RCC1: variants seen among roughly 807,000 people sequenced by gnomAD.
RCC1 encodes regulator of chromosome condensation.
A neutral mutation model predicts 44.4 loss-of-function variants in RCC1; 11 were observed. That is an observed-to-expected ratio of 0.25 (90% CI 0.16 to 0.41). The LOEUF (loss-of-function observed/expected upper bound fraction) is 0.41. Ranked by LOEUF, RCC1 falls within the 10% of genes least tolerant of loss-of-function variation. The probability of loss-of-function intolerance (pLI) is 1.00; values close to 1 mark genes in which losing one functional copy is unlikely to be tolerated. For missense variants in RCC1, 386 were observed against 547.1 expected, an observed-to-expected ratio of 0.71 and a Z score of 2.94; for synonymous variants, 213 against 216.5, an observed-to-expected ratio of 0.98 and a Z score of 0.14.
At chr1:28,522,960 A>C (rs1663381831) in intron 4 of RCC1, among the ~76,000 whole-genome samples, 1 of 150,856 alleles carries the variant, frequency 6.6e-6, no homozygotes, top group Non-Finnish European at 1.5e-5. Flanking sequence ...AAGGAGGAGG[A>C]GACACAGTTC....
intron 3 of RCC1, chr1:28,509,303 CA>C (rs553344338): frequency 4.3e-4 from 79 of 184,668 alleles, no homozygotes; most frequent in Non-Finnish European, 7.9e-4. Context: ...TTTTGCTTTT[CA>C]TGATCTTGCT....
chr1:28,516,734 T>C lies in RCC1; in HGVS notation c.-143T>C. On this transcript the variant is annotated 5_prime_UTR_variant, in exon 4 of 13. An upstream start codon of the reference 5' UTR is lost. Transcript: ENST00000683442. The stretch of plus-strand genomic sequence containing the variant: ...TTATTATTACATGAAGCTACATGAA[T>C]GTGTAAGATCTTGGAGGAAGACAGC... 1 of 414,366 alleles carries C rather than the reference T, an allele frequency of 2.4e-6. No homozygotes were observed. The highest frequency in any genetic ancestry group is 3.5e-4 in the Middle Eastern group (1 of 2,848). 25.7% of individuals were successfully genotyped at this position (414,366 alleles called of 1,614,324 possible).
intron 3 of RCC1, 96 bp downstream of exon 3, chr1:28,509,001 T>C (rs952240835): frequency 4.7e-6 from 2 of 425,902 alleles, no homozygotes; most frequent in Non-Finnish European, 9.3e-6. Flanking sequence ...CTTTTGAGAG[T>C]CTTGCTCTGT....
Position 28,535,158 on chromosome 1 carries a change from G to A in RCC1, c.538+12G>A. The A allele has an allele frequency of 3.1e-6, 5 of 1,614,126 alleles. No individual in the cohort carries two copies. Among genetic ancestry groups the A allele is most frequent in the Non-Finnish European group, 4.2e-6 (5 of 1,179,958 alleles). On this transcript the variant is annotated intron_variant, in intron 8 of 12. Transcript: ENST00000683442. ...AAAGGTGGCCTCAGGTGGGTCTGGG[G>A]GCACTTGCTCAGGGCAGGAGTTGGA...
intron 4 of RCC1, among the ~76,000 whole-genome samples, chr1:28,528,224 G>A (rs571714926): frequency 1.3e-5 from 2 of 152,280 alleles, no homozygotes; most frequent in Admixed American, 1.3e-4. Flanking sequence ...GGGAGGCCAA[G>A]GCGGGGTGGA....
intron 4 of RCC1, among the ~76,000 whole-genome samples, chr1:28,525,799 G>T (rs1003523580): frequency 3.9e-5 from 6 of 152,076 alleles, no homozygotes; most frequent in Non-Finnish European, 8.8e-5. Context: ...AAAGTGCCTG[G>T]CCTTGTGTCC....
intron 4 of RCC1, among the ~76,000 whole-genome samples, chr1:28,528,344 T>A (rs61785984): frequency 0.15 from 22,049 of 152,036 alleles, 1,944 homozygotes; most frequent in Non-Finnish European, 0.2. Context: ...TAATCCCAGC[T>A]ACTCGAGAGG....
chr1:28,531,265 C>CT lies in RCC1; in HGVS notation c.74-521dup, dbSNP rs1178899130. ...CAATAATTAGCTTTCTTTTCTTTTT[C>CT]TTTTTTTTTTTTTTTTTGAGATCAA... On this transcript the variant is annotated intron_variant, in intron 5 of 12. Coordinates refer to ENST00000683442, the MANE Select transcript of RCC1 (RefSeq NM_001381865.2). Among the ~76,000 whole-genome samples the CT allele has an allele frequency of 3.3e-3, 439 of 132,108 alleles. 1 individual carries two copies. Among genetic ancestry groups the CT allele is most frequent in the East Asian group, 5.8e-3 (27 of 4,658 alleles). The allele number at this position is 132,108 out of a possible 152,430, so 86.7% of individuals were successfully genotyped here.
At chr1:28,517,787 G>C (rs1189012782) in intron 4 of RCC1, among the ~76,000 whole-genome samples, 1 of 151,946 alleles carries the variant, frequency 6.6e-6, no homozygotes, top group African/African-American at 2.4e-5. Flanking sequence ...TGCAAACGTC[G>C]CTTCTCCTAG....
intron 3 of RCC1, chr1:28,510,991 T>C (rs574777301): frequency 7.9e-5 from 12 of 152,332 alleles, no homozygotes; most frequent in African/African-American, 2.9e-4. Flanking sequence ...ACTTGCAAGG[T>C]AGAGGTGAAG....
intron 2 of RCC1, 198 bp downstream of exon 2, chr1:28,508,358 T>G: frequency 2.8e-6 from 1 of 355,952 alleles, no homozygotes; most frequent in South Asian, 2.1e-5. Flanking sequence ...ACATATGCTC[T>G]GTTCTGTAAA....
chr1:28,506,520 T>A (rs762954319), intron 1 of RCC1: 8 of 253,878 alleles, frequency 3.2e-5, no homozygotes, highest in Non-Finnish European at 5.5e-5. Context: ...TATGGGTGTC[T>A]TAGGCGGCAT....
chr1:28,530,375 G>A, intron 5 of RCC1: 5 of 669,636 alleles, frequency 7.5e-6, no homozygotes, highest in East Asian at 5.5e-5. Flanking sequence ...AGGATGAGAT[G>A]AGATAATGGC....
rs1664574855 is a variant in RCC1 at position 28,536,682 on chromosome 1, C to T, written c.938-65C>T. 3.8e-6 allele frequency: 6 copies of T among 1,574,080 alleles called. No homozygotes were observed. In the Admixed American group the frequency reaches 6.8e-5, roughly 18 times the overall value. The stretch of plus-strand genomic sequence containing the variant: ...CCCATGGACAGGTGGACTCACCTAG[C>T]CTGCCACCCATTTTGCCTGTAGCAC... On this transcript the variant is annotated intron_variant, in intron 11 of 12. Coordinates refer to ENST00000683442, the MANE Select transcript of RCC1 (RefSeq NM_001381865.2). This position sits in a 1 kb window ranked among gnomAD's most constrained non-coding sequence, Gnocchi z 4.9.
chr1:28,535,713 G>A, intron 9 of RCC1, 158 bp from the exon 10 acceptor site: 2 of 860,302 alleles, frequency 2.3e-6, no homozygotes, highest in African/African-American at 1.7e-5. Flanking sequence ...CAAGGCACTT[G>A]TATTCTCTTG....
chr1:28,510,134 G>A (rs1433276334), intron 3 of RCC1: 1 of 152,292 alleles, frequency 6.6e-6, no homozygotes, highest in Non-Finnish European at 1.5e-5. Context: ...TAGGGGAGGT[G>A]GGACAGCCGT....
rs562507759 is a variant in RCC1 at position 28,537,672 on chromosome 1, C to T, written c.1091-160C>T. ...AGAGTTCTTTTTTATCCATCATCTC[C>T]TTGGGTTCTCCCAACTTCCCTGAAC... On this transcript the variant is annotated intron_variant, in intron 12 of 12. Coordinates refer to ENST00000683442, the MANE Select transcript of RCC1 (RefSeq NM_001381865.2). Among the ~76,000 whole-genome samples the T allele has an allele frequency of 3.3e-5, 5 of 152,288 alleles. No individual in the cohort carries two copies. In the South Asian group the frequency reaches 1.0e-3, roughly 32 times the overall value.
chr1:28,506,244 T>A, intron 1 of RCC1, 160 bp downstream of exon 1: 1 of 446,598 alleles, frequency 2.2e-6, no homozygotes, highest in Non-Finnish European at 4.5e-6. Context: ...TCACTCAGGC[T>A]GGACTGCAGT....
intron 4 of RCC1, among the ~76,000 whole-genome samples, chr1:28,522,624 A>C (rs1663356063): frequency 6.6e-6 from 1 of 151,904 alleles, no homozygotes; most frequent in Admixed American, 6.6e-5. Context: ...CCTGGGCAAC[A>C]TAGTGAGACC....
Sources: allele counts gnomAD v4.1 joint callset (sites outside exome capture counted in the v4.1 genomes callset), GRCh38; gene constraint gnomAD v4.1.1; non-coding constraint Gnocchi (gnomAD v3.1); transcripts MANE v1.5; gene names NCBI Gene and HGNC (gene_info 2026-07-23, HGNC 2026-07-21).